Variants in EPHB2 observed in about 807,000 individuals in gnomAD.
EPHB2 encodes ephrin type-B receptor 2.
Under a neutral mutation model 96.4 loss-of-function variants are expected in EPHB2, and 18 were observed. The ratio of observed to expected loss-of-function variants is 0.19; its 90% CI spans 0.13 to 0.28. The LOEUF (loss-of-function observed/expected upper bound fraction) is 0.28. Among genes scored for constraint, EPHB2 ranks in the 10% least tolerant of loss-of-function variants. The pLI, the probability that EPHB2 is intolerant of heterozygous loss-of-function variation, is 1.00. For synonymous variants in EPHB2, 506 were observed against 534.1 expected (o/e 0.95, Z 0.72); for missense variants, 989 against 1,355.4 (o/e 0.73, Z 4.25).
At chr1:22,715,840 C>T (rs1643279167) in intron 1 of EPHB2, among the ~76,000 whole-genome samples, 1 of 152,222 alleles carries the variant, frequency 6.6e-6, no homozygotes, top group Non-Finnish European at 1.5e-5. Context: ...GTTCAAATCC[C>T]AGCTGTGTGC....
chr1:22,737,611 AC>A, intron 1 of EPHB2, among the ~76,000 whole-genome samples: 1 of 152,142 alleles, frequency 6.6e-6, no homozygotes, highest in South Asian at 2.1e-4. Context: ...CTTTGTACTT[AC>A]CCTCAGCTCT....
chr1:22,806,644 C>T (rs1170531133), intron 3 of EPHB2, among the ~76,000 whole-genome samples: 5 of 152,360 alleles, frequency 3.3e-5, no homozygotes, highest in East Asian at 3.9e-4. Flanking sequence ...TTCCCACCCC[C>T]GCCAGGCAGG....
At chr1:22,817,879 G>A (rs889618387) in intron 3 of EPHB2, among the ~76,000 whole-genome samples, 4 of 152,182 alleles carry the variant, frequency 2.6e-5, no homozygotes, top group African/African-American at 4.8e-5. Context: ...AGGGCGGGAC[G>A]GGAAGAGGAC....
chr1:22,730,541 G>A (rs927889262), intron 1 of EPHB2, among the ~76,000 whole-genome samples: 2 of 152,210 alleles, frequency 1.3e-5, no homozygotes, highest in Admixed American at 6.5e-5. Context: ...CTGCTGCAGA[G>A]ATGGGAGGGC....
intron 3 of EPHB2, among the ~76,000 whole-genome samples, chr1:22,815,180 C>G (rs1363263175): frequency 6.6e-6 from 1 of 152,138 alleles, no homozygotes; most frequent in Admixed American, 6.5e-5. Context: ...TGGCCCACCA[C>G]GTGCCTGCTC....
chr1:22,913,283 T>C lies in EPHB2; in HGVS notation c.2853-179T>C, dbSNP rs1640167965. 1.2e-5 allele frequency: 9 copies of C among 751,318 alleles called. No individual in the cohort carries two copies. The highest frequency in any genetic ancestry group is 1.7e-5 in the South Asian group (1 of 58,894). 46.5% of individuals were successfully genotyped at this position (751,318 alleles called of 1,614,324 possible). A position where few individuals can be genotyped will look rare whatever the true frequency, so the allele number is the denominator to read the frequency against. On this transcript the variant is annotated intron_variant, in intron 15 of 15. Coordinates refer to ENST00000374630, the MANE Select transcript of EPHB2 (RefSeq NM_017449.5). The surrounding 1 kb of genome is among the most constrained non-coding windows in gnomAD (Gnocchi z 4.1). ...GACCCTGATTCCGACTCAAGTGCTC[T>C]TCCACCTCACACCATAGTCGCTCCC...
chr1:22,787,629 C>T (rs1487234422), intron 3 of EPHB2, among the ~76,000 whole-genome samples: 2 of 152,100 alleles, frequency 1.3e-5, no homozygotes, highest in Non-Finnish European at 2.9e-5. Context: ...TGGTGATGTG[C>T]ATCTGTAGTT....
intron 3 of EPHB2, among the ~76,000 whole-genome samples, chr1:22,834,609 A>G (rs2148490072): frequency 6.6e-6 from 1 of 152,192 alleles, no homozygotes; most frequent in East Asian, 1.9e-4. Context: ...GCTGTGTGCC[A>G]ATAAAACTTT....
In EPHB2 at chr1:22,882,400, G is replaced by A. The variant is rs369350136; in HGVS notation, c.1345G>A (p.Val449Met). ...VSIMHQVSRT[V>M]DSITLSWSQP... ...CATCATGCATCAGGTGAGCCGCACC[G>A]TGGACAGCATTACCCTGTCGTGGTC... Residue 449 changes from valine to methionine, a missense_variant, in exon 6 of 16, where the codon GTG becomes ATG. By Grantham distance (21) the Val-to-Met change is conservative. Transcript: ENST00000374630. 2.1e-5 allele frequency: 34 copies of A among 1,614,138 alleles called. No homozygotes were observed. The highest frequency in any genetic ancestry group is 8.8e-5 in the South Asian group (8 of 91,082).
At chr1:22,864,510 GCACTTAAA>G (rs1421481938) in intron 4 of EPHB2, among the ~76,000 whole-genome samples, 1 of 152,204 alleles carries the variant, frequency 6.6e-6, no homozygotes, top group African/African-American at 2.4e-5. Flanking sequence ...TCAGTGGCAA[GCACTTAAA>G]CACAGGAGGC....
intron 9 of EPHB2, among the ~76,000 whole-genome samples, chr1:22,897,558 C>A (rs1012160939): frequency 2.0e-5 from 3 of 152,040 alleles, no homozygotes; most frequent in African/African-American, 7.2e-5. Flanking sequence ...GAGGCTGAGG[C>A]AGGCAGATCA....
At chr1:22,812,865 T>C (rs1161893367) in intron 3 of EPHB2, among the ~76,000 whole-genome samples, 2 of 152,124 alleles carry the variant, frequency 1.3e-5, no homozygotes, top group African/African-American at 4.8e-5. Flanking sequence ...AATGACCAGA[T>C]TGACGACTTG....
chr1:22,905,997 C>A lies in EPHB2; in HGVS notation c.1776C>A (p.Gly592=), dbSNP rs56108846. Residue 592 remains glycine (G), a synonymous_variant, in exon 10 of 16, where the codon GGC becomes GGA. Transcript: ENST00000374630. ...GGTCTTGTCCCCCAGTGACCCCAGGCATGAAGATCTACATCGATCCTTTCA... is the reference window on the plus strand; with the variant it reads ...GGTCTTGTCCCCCAGTGACCCCAGGAATGAAGATCTACATCGATCCTTTCA... ...QHYTSGHMTP[G]MKIYIDPFTY... The A allele has an allele frequency of 6.2e-7, 1 of 1,614,176 alleles. No homozygotes were observed. Among genetic ancestry groups the A allele is most frequent in the Non-Finnish European group, 8.5e-7 (1 of 1,180,026 alleles).
chr1:22,712,095 T>C (rs911883735), intron 1 of EPHB2, among the ~76,000 whole-genome samples: 3 of 152,260 alleles, frequency 2.0e-5, no homozygotes, highest in Non-Finnish European at 4.4e-5. Context: ...TACAACGTGC[T>C]GCACAGTTGA....
At chr1:22,734,764 G>A (rs928767893) in intron 1 of EPHB2, among the ~76,000 whole-genome samples, 1 of 152,060 alleles carries the variant, frequency 6.6e-6, no homozygotes, top group Non-Finnish European at 1.5e-5. Context: ...ATTTCTTTGG[G>A]GTCCTGAAGA....
At chr1:22,760,704 G>T (rs1557658443) in intron 1 of EPHB2, among the ~76,000 whole-genome samples, 3 of 152,156 alleles carry the variant, frequency 2.0e-5, no homozygotes, top group Non-Finnish European at 4.4e-5. Flanking sequence ...CCCAAGGCCT[G>T]TGTGAGTCAC....
chr1:22,814,842 C>T (rs2148466048), intron 3 of EPHB2, among the ~76,000 whole-genome samples: 1 of 152,354 alleles, frequency 6.6e-6, no homozygotes, highest in South Asian at 2.1e-4. Context: ...TGGGGCTGGC[C>T]TGACTGCTTT....
chr1:22,846,458 G>A lies in EPHB2; in HGVS notation c.812-16579G>A, dbSNP rs1042805683. 2.0e-5 allele frequency among the ~76,000 whole-genome samples: 3 copies of A among 151,320 alleles called. No homozygotes were observed. The highest frequency in any genetic ancestry group is 4.8e-5 in the African/African-American group (2 of 41,262). On this transcript the variant is annotated intron_variant, in intron 3 of 15. Transcript: ENST00000374630. This position sits in a 1 kb window ranked among gnomAD's most constrained non-coding sequence, Gnocchi z 4.3. ...AAAAGAAAAGAAAGTCCTAGGTCAGGGACCGGGCAGACTTCTTCCTGATTT... is the reference window on the plus strand; with the variant it reads ...AAAAGAAAAGAAAGTCCTAGGTCAGAGACCGGGCAGACTTCTTCCTGATTT...
rs1640062507 is a variant in EPHB2, at chr1:22,910,543, C to T, written c.2664C>T (p.Asn888=). The T allele has an allele frequency of 6.2e-7, 1 of 1,614,096 alleles. No homozygotes were observed. The highest frequency in any genetic ancestry group is 1.1e-5 in the South Asian group (1 of 91,090). The stretch of plus-strand genomic sequence containing the variant: ...TAGACAAGATGATCCGCAATCCCAA[C>T]AGCCTCAAAGCCATGGCGCCCCTCT... ...NTLDKMIRNP[N]SLKAMAPLSS... is the part of the protein sequence containing the mutation. Residue 888 remains asparagine, a synonymous_variant, in exon 14 of 16, where the codon AAC becomes AAT. Transcript: ENST00000374630.
Sources: gnomAD v4.1 joint callset for allele counts (sites outside exome capture counted in the v4.1 genomes callset) on GRCh38, gnomAD v4.1.1 for gene constraint, Gnocchi (gnomAD v3.1) non-coding constraint, MANE v1.5 for transcripts, NCBI Gene and HGNC (gene_info 2026-07-23, HGNC 2026-07-21) for gene names.